Variants in CIBAR2 observed in about 807,000 individuals in gnomAD.
CIBAR2 encodes CBY1-interacting BAR domain-containing protein 2.
Under a neutral mutation model 36.2 loss-of-function variants are expected in CIBAR2, and 38 were observed. The observed-to-expected ratio is 1.05, with a 90% CI of 0.81 to 1.38. The LOEUF (loss-of-function observed/expected upper bound fraction) is 1.38, where lower values mean the gene tolerates loss of function less well. Ranked by LOEUF, CIBAR2 falls within the 40% of genes most tolerant of loss-of-function variation. The pLI is 0.00. For missense variants in CIBAR2, 481 were observed against 383.4 expected (o/e 1.25, Z -2.13); for synonymous variants, 182 against 149.5 (o/e 1.22, Z -1.58).
chr16:85,109,481 A>C (rs2074023707), intron 2 of CIBAR2, among the ~76,000 whole-genome samples: 2 of 152,124 alleles, frequency 1.3e-5, no homozygotes, highest in Admixed American at 1.3e-4. Context: ...ATGCGTTGCT[A>C]TCTGGTTTAA....
At position 85,105,256 on chromosome 16, in the gene CIBAR2, G is replaced by A. The variant is rs80084531; in HGVS notation, c.537+71C>T. On this transcript the variant is annotated intron_variant, in intron 6 of 8. Transcript: ENST00000539556. ...CATGCTGAAGCATGCACACAGACAC[G>A]TGTACACACGTGCATGCACACACAC... 1.1e-4 allele frequency: 95 copies of A among 878,960 alleles called. No homozygotes were observed. In the Middle Eastern group the frequency reaches 2.2e-3, roughly 21 times the overall value. 54.4% of individuals were successfully genotyped at this position (878,960 alleles called of 1,614,324 possible). A position where few individuals can be genotyped will look rare whatever the true frequency, so the allele number is the denominator to read the frequency against.
In CIBAR2 at chr16:85,099,156, C is replaced by A. The variant is rs765870673; in HGVS notation, c.*29G>T. On this transcript the variant is annotated 3_prime_UTR_variant, in exon 9 of 9. Transcript: ENST00000539556. ...CCAGGCAGTCTGGGATTATTTTAAA[C>A]GGCTTGGGATTGCACTTACCCTACG... is the stretch of plus-strand genomic sequence containing the variant. The A allele has an allele frequency of 6.8e-7, 1 of 1,477,908 alleles. No individual in the cohort carries two copies. The highest frequency in any genetic ancestry group is 2.5e-5 in the Admixed American group (1 of 39,824). The allele number at this position is 1,477,908 out of a possible 1,614,324, so 91.5% of individuals were successfully genotyped here.
chr16:85,100,340 C>G, intron 7 of CIBAR2, 100 bp from the exon 8 acceptor site: 1 of 687,826 alleles, frequency 1.5e-6, no homozygotes. Context: ...AGGCCCGAGA[C>G]AGCTAATGCT....
chr16:85,107,846 G>T lies in CIBAR2; in HGVS notation c.426C>A (p.Ile142=), dbSNP rs747509166. The change falls in exon 4 of 9, where the codon ATC becomes ATA. Residue 142 remains isoleucine (I), a splice_region_variant and synonymous_variant. Coordinates refer to ENST00000539556, the MANE Select transcript of CIBAR2 (RefSeq NM_198491.3). ...RQKSPSDQQM[I]SQAETRVQRA... is the part of the protein sequence containing the mutation. ...AGGCCCCACTTCCAGGGAAGGATAC[G>T]ATCATTTGCTGATCCGAGGGTGACT... is the stretch of plus-strand genomic sequence containing the variant. 4 of 1,612,028 alleles carry T rather than the reference G, an allele frequency of 2.5e-6. No homozygotes were observed. In the African/African-American group the frequency reaches 4.0e-5, roughly 16 times the overall value.
rs1391760935 is a variant in CIBAR2, at chr16:85,110,062, G to C, written c.255+164C>G. On this transcript the variant is annotated intron_variant, in intron 2 of 8. Coordinates refer to ENST00000539556, the MANE Select transcript of CIBAR2 (RefSeq NM_198491.3). ...CTAGGCTCTCAATCCTGCAGGTGGA[G>C]GTGTGACCCTGGAAAGGGTGTAAAT... 2.6e-5 allele frequency among the ~76,000 whole-genome samples: 4 copies of C among 152,294 alleles called. No individual in the cohort carries two copies. The East Asian group carries it at 7.7e-4, about 29-fold the overall frequency.
At chr16:85,108,928 G>A (rs951654622) in intron 2 of CIBAR2, among the ~76,000 whole-genome samples, 7 of 151,952 alleles carry the variant, frequency 4.6e-5, no homozygotes, top group South Asian at 2.1e-4. Flanking sequence ...TTTTACAATC[G>A]GGAATGTCTT....
intron 6 of CIBAR2, 96 bp from the exon 7 acceptor site, chr16:85,102,423 C>CT: frequency 1.3e-6 from 1 of 758,776 alleles, no homozygotes; most frequent in East Asian, 2.5e-5. Flanking sequence ...GTGTGGAGGG[C>CT]TGTCCGTGTG....
intron 6 of CIBAR2, among the ~76,000 whole-genome samples, chr16:85,102,906 CTT>C (rs60547700): frequency 1.8e-4 from 26 of 142,946 alleles, no homozygotes; most frequent in African/African-American, 2.3e-4. Context: ...TCACAGGAGG[CTT>C]TTTTTTTTTT....
At chr16:85,106,215 TCAGGACTCC>T (rs1277668698) in intron 5 of CIBAR2, among the ~76,000 whole-genome samples, 1 of 151,918 alleles carries the variant, frequency 6.6e-6, no homozygotes, top group African/African-American at 2.4e-5. Flanking sequence ...TTCGTGTAGG[TCAGGACTCC>T]CCACGCTCAG....
chr16:85,107,734 C>A, intron 4 of CIBAR2, 62 bp from the exon 5 acceptor site: 1 of 1,606,030 alleles, frequency 6.2e-7, no homozygotes. Context: ...GGTGGTCCGC[C>A]CCCTTCACAG....
intron 6 of CIBAR2, among the ~76,000 whole-genome samples, chr16:85,104,754 C>A (rs1183694900): frequency 6.6e-6 from 1 of 152,126 alleles, no homozygotes; most frequent in Non-Finnish European, 1.5e-5. Flanking sequence ...TGGTGGTGTG[C>A]ACCTTTGGAG....
chr16:85,103,337 CT>C (rs1350316252), intron 6 of CIBAR2, among the ~76,000 whole-genome samples: 1 of 152,286 alleles, frequency 6.6e-6, no homozygotes, highest in East Asian at 1.9e-4. Flanking sequence ...GAGAAATAAA[CT>C]TCTGTTGTTT....
In CIBAR2 at chr16:85,110,464, T is replaced by C. The variant is rs2144179056; in HGVS notation, c.21-4A>G. 6.3e-7 allele frequency: 1 copy of C among 1,582,266 alleles called. No homozygotes were observed. Among genetic ancestry groups the C allele is most frequent in the Non-Finnish European group, 8.6e-7 (1 of 1,159,412 alleles). On this transcript the variant is annotated splice_polypyrimidine_tract_variant and splice_region_variant and intron_variant, in intron 1 of 8. Transcript: ENST00000539556. ...CATCACCCTCACCTGGCTGTCCCTG[T>C]GGAGGCGGGGACCTGAGCAGCCATT...
Position 85,098,682 on chromosome 16 carries a change from C to G in CIBAR2, c.*503G>C, listed in dbSNP as rs1351964757. ...GGCTCCATATGGTGCTCTGAGCACT[C>G]TAAATAATAATAATAATAAAACGAC... On this transcript the variant is annotated 3_prime_UTR_variant, in exon 9 of 9. Coordinates refer to ENST00000539556, the MANE Select transcript of CIBAR2 (RefSeq NM_198491.3). The G allele has an allele frequency of 2.4e-6, 2 of 817,860 alleles. No individual in the cohort carries two copies. The highest frequency in any genetic ancestry group is 6.3e-5 in the Admixed American group (1 of 15,986). The allele number at this position is 817,860 out of a possible 1,614,324, so 50.7% of individuals were successfully genotyped here. A position where few individuals can be genotyped will look rare whatever the true frequency, so the allele number is the denominator to read the frequency against.
chr16:85,099,039 G>C lies in CIBAR2; in HGVS notation c.*146C>G. On this transcript the variant is annotated 3_prime_UTR_variant, in exon 9 of 9. Coordinates refer to ENST00000539556, the MANE Select transcript of CIBAR2 (RefSeq NM_198491.3). ...CAGCAACAGAATTGAACAAGTAGAA[G>C]AAGGAAATTCAGAGCTTGAAGACAA... is the stretch of plus-strand genomic sequence containing the variant. 1.0e-6 allele frequency: 1 copy of C among 956,856 alleles called. No homozygotes were observed. The highest frequency in any genetic ancestry group is 1.4e-6 in the Non-Finnish European group (1 of 700,478). The allele number at this position is 956,856 out of a possible 1,614,324, so 59.3% of individuals were successfully genotyped here.
intron 6 of CIBAR2, among the ~76,000 whole-genome samples, chr16:85,104,808 G>C (rs184699849): frequency 6.6e-6 from 1 of 152,304 alleles, no homozygotes. Flanking sequence ...GAATCTCTGC[G>C]ATCAGCTAGT....
At chr16:85,106,696 G>A (rs2073998251) in intron 5 of CIBAR2, among the ~76,000 whole-genome samples, 1 of 152,188 alleles carries the variant, frequency 6.6e-6, no homozygotes, top group Non-Finnish European at 1.5e-5. Flanking sequence ...TTGGCCCAGT[G>A]GGCCCACGGT....
At chr16:85,107,797 T>A in intron 4 of CIBAR2, 49 bp downstream of exon 4, 1 of 1,578,390 alleles carries the variant, frequency 6.3e-7, no homozygotes, top group South Asian at 1.1e-5. Context: ...TCAGTGTGAG[T>A]GGACACCCTG....
chr16:85,109,877 T>A (rs1204523403), intron 2 of CIBAR2, among the ~76,000 whole-genome samples: 1 of 152,172 alleles, frequency 6.6e-6, no homozygotes, highest in Non-Finnish European at 1.5e-5. Flanking sequence ...CTGAACACCC[T>A]GCAGCCTCCT....
Sources: gnomAD v4.1 joint callset for allele counts (sites outside exome capture counted in the v4.1 genomes callset) on GRCh38, gnomAD v4.1.1 for gene constraint, MANE v1.5 for transcripts, NCBI Gene and HGNC (gene_info 2026-07-23, HGNC 2026-07-21) for gene names.